The following CACNG4 variants were observed in gnomAD, a reference collection of about 807,000 sequenced individuals.
CACNG4 encodes the protein calcium voltage-gated channel auxiliary subunit gamma 4.
CACNG4 carries 8 observed loss-of-function variants against 22.9 expected under a neutral mutation model. The observed-to-expected ratio is 0.35, with a 90% CI of 0.21 to 0.63. CACNG4 has a LOEUF of 0.63. CACNG4 is among the 30% of genes least tolerant of loss of function. CACNG4 has a pLI of 0.72. For missense variants in CACNG4, 357 were observed against 455.4 expected (o/e 0.78, Z 1.97); for synonymous variants, 188 against 191.9 (o/e 0.98, Z 0.17).
intron 1 of CACNG4, among the ~76,000 whole-genome samples, chr17:66,970,915 C>G (rs1052482635): frequency 5.9e-5 from 9 of 152,160 alleles, no homozygotes; most frequent in Non-Finnish European, 1.3e-4. Context: ...AAATAAATCC[C>G]CTGTGTCAGT....
intron 1 of CACNG4, among the ~76,000 whole-genome samples, chr17:67,016,298 C>A (rs767145697): frequency 2.0e-5 from 3 of 152,194 alleles, no homozygotes; most frequent in Non-Finnish European, 4.4e-5. Flanking sequence ...ACACTCCTAG[C>A]ATCACCTCTG....
At chr17:67,001,235 G>A (rs1411178788) in intron 1 of CACNG4, among the ~76,000 whole-genome samples, 4 of 152,238 alleles carry the variant, frequency 2.6e-5, no homozygotes, top group Non-Finnish European at 5.9e-5. Flanking sequence ...TTGGAACTGT[G>A]AGTCCATTAA....
At position 66,999,362 on chromosome 17, in the gene CACNG4, G is replaced by A. The variant is rs116708714; in HGVS notation, c.221-18827G>A. 1.1e-3 allele frequency among the ~76,000 whole-genome samples: 160 copies of A among 152,264 alleles called. 2 individuals carry two copies. The highest frequency in any genetic ancestry group is 4.1e-3 in the South Asian group (20 of 4,822). On this transcript the variant is annotated intron_variant, in intron 1 of 3. Transcript: ENST00000262138. ...CCAGGGCACCGCCCCCACAGACTTC[G>A]GTCCTGTGTTCTGTATCCATCTCAG...
chr17:66,995,414 G>A (rs1465607139), intron 1 of CACNG4, among the ~76,000 whole-genome samples: 1 of 152,204 alleles, frequency 6.6e-6, no homozygotes, highest in East Asian at 1.9e-4. Context: ...AAGCAAAAGG[G>A]AGGCACTGGA....
Position 66,994,610 on chromosome 17 carries a change from G to A in CACNG4, c.221-23579G>A, listed in dbSNP as rs906394100. Among the ~76,000 whole-genome samples the A allele has an allele frequency of 2.0e-5, 3 of 152,180 alleles. No homozygotes were observed. The East Asian group carries it at 5.8e-4, about 29-fold the overall frequency. ...TGGGTGTCATGCAAGTAGAAAGCATGCCCTTTGGAACCAGATACAATGATG... is the reference window on the plus strand; with the variant it reads ...TGGGTGTCATGCAAGTAGAAAGCATACCCTTTGGAACCAGATACAATGATG... On this transcript the variant is annotated intron_variant, in intron 1 of 3. Transcript: ENST00000262138.
chr17:67,010,311 C>T (rs2035461386), intron 1 of CACNG4, among the ~76,000 whole-genome samples: 1 of 152,304 alleles, frequency 6.6e-6, no homozygotes, highest in East Asian at 1.9e-4. Flanking sequence ...CCCTCAGCCC[C>T]AGAGTCTAAT....
At position 66,976,450 on chromosome 17, in the gene CACNG4, CTCCCTCCAACT is replaced by C. The variant is rs564728940; in HGVS notation, c.220+11327_220+11337del. Reference sequence around the variant, plus strand: ...ATCCCTCTCTCTAACTTCCACCCTCCTCCCTCCAACTTCCCTCCCTCCTTCCAGCTTTCCTC... The same window carrying C: ...ATCCCTCTCTCTAACTTCCACCCTCCTCCCTCCCTCCTTCCAGCTTTCCTC... On this transcript the variant is annotated intron_variant, in intron 1 of 3. Transcript: ENST00000262138. 4.3e-3 allele frequency among the ~76,000 whole-genome samples: 648 copies of C among 150,468 alleles called. 2 individuals carry two copies. The highest frequency in any genetic ancestry group is 0.015 in the African/African-American group (611 of 40,784).
intron 1 of CACNG4, among the ~76,000 whole-genome samples, chr17:66,971,710 C>A (rs1166578280): frequency 6.6e-6 from 1 of 151,982 alleles, no homozygotes; most frequent in East Asian, 1.9e-4. Context: ...GGAGGGAAAA[C>A]CTTCTAGGAG....
chr17:67,017,514 G>A (rs1486347012), intron 1 of CACNG4, among the ~76,000 whole-genome samples: 1 of 150,626 alleles, frequency 6.6e-6, no homozygotes, highest in Non-Finnish European at 1.5e-5. Context: ...TGTTGTTGTT[G>A]TTGTTGTTGT....
intron 1 of CACNG4, among the ~76,000 whole-genome samples, chr17:66,995,579 C>A (rs891358981): frequency 2.0e-5 from 3 of 152,168 alleles, no homozygotes; most frequent in African/African-American, 7.2e-5. Context: ...AGGCCGGGCG[C>A]AGGGGCTCAC....
intron 1 of CACNG4, among the ~76,000 whole-genome samples, chr17:66,982,177 G>A (rs1048101087): frequency 5.3e-5 from 8 of 152,202 alleles, no homozygotes; most frequent in African/African-American, 7.2e-5. Flanking sequence ...CGAGTGGGAG[G>A]AGACCCAAGC....
rs1156299899 is a variant in CACNG4, at chr17:66,984,850, G to A, written c.220+19719G>A. 6.6e-6 allele frequency among the ~76,000 whole-genome samples: 1 copy of A among 152,144 alleles called. No homozygotes were observed. Among genetic ancestry groups the A allele is most frequent in the Non-Finnish European group, 1.5e-5 (1 of 68,024 alleles). Reference sequence around the variant, plus strand: ...AGCCTGAGTTTAGCCTCGAGCCTGAGCCTGCCTCAGGGTCCCCAGGGTTAC... The same window carrying A: ...AGCCTGAGTTTAGCCTCGAGCCTGAACCTGCCTCAGGGTCCCCAGGGTTAC... On this transcript the variant is annotated intron_variant, in intron 1 of 3. Coordinates refer to ENST00000262138, the MANE Select transcript of CACNG4 (RefSeq NM_014405.4). This position sits in a 1 kb window ranked among gnomAD's most constrained non-coding sequence, Gnocchi z 4.0.
chr17:67,031,624 G>C lies in CACNG4; in HGVS notation c.*620G>C, dbSNP rs740555. On this transcript the variant is annotated 3_prime_UTR_variant, in exon 4 of 4. Transcript: ENST00000262138. The surrounding 1 kb of genome is among the most constrained non-coding windows in gnomAD (Gnocchi z 4.0). ...GTGCTTTGGCCTTTGCGCTGTCCCG[G>C]GGCCAGCTTCCCTCGACCTGGGGAG... 146,213 of 456,666 alleles carry C rather than the reference G, an allele frequency of 0.32. 26,674 individuals are homozygous for C. Among genetic ancestry groups the C allele is most frequent in the East Asian group, 0.68 (9,776 of 14,368 alleles). The allele number at this position is 456,666 out of a possible 1,614,324, so 28.3% of individuals were successfully genotyped here.
chr17:66,974,569 A>G (rs938455126), intron 1 of CACNG4, among the ~76,000 whole-genome samples: 1 of 152,180 alleles, frequency 6.6e-6, no homozygotes, highest in East Asian at 1.9e-4. Flanking sequence ...AAAGGTGCCC[A>G]GCACATATCT....
At position 67,030,733 on chromosome 17, in the gene CACNG4, A is replaced by G. The variant is rs2035598609; in HGVS notation, c.713A>G (p.Tyr238Cys). The G allele has an allele frequency of 3.7e-6, 6 of 1,614,100 alleles. No individual in the cohort carries two copies. The highest frequency in any genetic ancestry group is 4.2e-6 in the Non-Finnish European group (5 of 1,180,038). ...TATGCCAGGATGCCGAGCTACAGGT[A>G]CCGGCGACGGCGCTCGAGGTCCAGC... is the stretch of plus-strand genomic sequence containing the variant. ...SPYARMPSYR[Y>C]RRRRSRSSSR... Residue 238 changes from tyrosine (Y) to cysteine (C), a missense_variant, in exon 4 of 4, where the codon TAC becomes TGC. Physicochemically the swap from Tyr to Cys is radical, Grantham distance 194. Coordinates refer to ENST00000262138, the MANE Select transcript of CACNG4 (RefSeq NM_014405.4). The surrounding 1 kb of genome is among the most constrained non-coding windows in gnomAD (Gnocchi z 6.4).
Position 66,984,462 on chromosome 17 carries a change from C to G in CACNG4, c.220+19331C>G, listed in dbSNP as rs145696542. ...GCCTGCACCCGCCCCCATTCATCCC[C>G]AACTGCTGGCCTGTATTTTCTTCAG... On this transcript the variant is annotated intron_variant, in intron 1 of 3. Transcript: ENST00000262138. The surrounding 1 kb of genome is among the most constrained non-coding windows in gnomAD (Gnocchi z 4.0). Among the ~76,000 whole-genome samples, 1,677 of 152,262 alleles carry G rather than the reference C, an allele frequency of 0.011. 32 individuals are homozygous for G. Among genetic ancestry groups the G allele is most frequent in the African/African-American group, 0.038 (1,592 of 41,534 alleles).
In CACNG4 at chr17:66,971,486, G is replaced by A. The variant is rs76586654; in HGVS notation, c.220+6355G>A. Among the ~76,000 whole-genome samples, 1,398 of 152,278 alleles carry A rather than the reference G, an allele frequency of 9.2e-3. 11 individuals are homozygous for A. Among genetic ancestry groups the A allele is most frequent in the Admixed American group, 0.017 (262 of 15,294 alleles). ...ACATGCAGGGCTCAGGGTCACAGCT[G>A]CAGAAAGGACAGACAGGTCCCTGCT... On this transcript the variant is annotated intron_variant, in intron 1 of 3. Transcript: ENST00000262138.
chr17:67,013,338 T>C (rs2035478697), intron 1 of CACNG4, among the ~76,000 whole-genome samples: 1 of 152,172 alleles, frequency 6.6e-6, no homozygotes. Flanking sequence ...AAGAATCTGG[T>C]CTCTTTTCTT....
At chr17:67,009,689 C>G (rs1479788167) in intron 1 of CACNG4, among the ~76,000 whole-genome samples, 1 of 152,184 alleles carries the variant, frequency 6.6e-6, no homozygotes, top group Non-Finnish European at 1.5e-5. Flanking sequence ...AAGGCGCCAG[C>G]AGATTTGGTG....
Sources: gnomAD v4.1 joint callset for allele counts (sites outside exome capture counted in the v4.1 genomes callset) on GRCh38, gnomAD v4.1.1 for gene constraint, Gnocchi (gnomAD v3.1) non-coding constraint, MANE v1.5 for transcripts, NCBI Gene and HGNC (gene_info 2026-07-23, HGNC 2026-07-21) for gene names.